ROCK1: variants seen among roughly 807,000 people sequenced by gnomAD.
ROCK1 encodes the protein rho-associated protein kinase 1.
A neutral mutation model predicts 196.8 loss-of-function variants in ROCK1; 36 were observed. The ratio of observed to expected loss-of-function variants is 0.18; its 90% CI spans 0.14 to 0.24. The LOEUF (loss-of-function observed/expected upper bound fraction) is 0.24. Ranked by LOEUF, ROCK1 falls within the 10% of genes least tolerant of loss-of-function variation. The probability of loss-of-function intolerance (pLI) is 1.00; values close to 1 mark genes in which losing one functional copy is unlikely to be tolerated. For missense variants in ROCK1, 920 were observed against 1,562.0 expected (o/e 0.59, Z 6.93); for synonymous variants, 443 against 515.9 (o/e 0.86, Z 1.91).
rs757539866 is a variant in ROCK1 at position 21,028,763 on chromosome 18, T to C, written c.1211+13A>G. 1 of 1,595,158 alleles carries C rather than the reference T, an allele frequency of 6.3e-7. No individual in the cohort carries two copies. The highest frequency in any genetic ancestry group is 8.5e-7 in the Non-Finnish European group (1 of 1,174,188). ...CAGCACTTACTCCTATAATCACTGTTTAGCATACTTACCTACGATTGCTAT... is the reference window on the plus strand; with the variant it reads ...CAGCACTTACTCCTATAATCACTGTCTAGCATACTTACCTACGATTGCTAT... On this transcript the variant is annotated intron_variant, in intron 10 of 32. Transcript: ENST00000399799.
chr18:21,081,181 C>T (rs930013770), intron 1 of ROCK1, among the ~76,000 whole-genome samples: 1 of 151,950 alleles, frequency 6.6e-6, no homozygotes, highest in African/African-American at 2.4e-5. Context: ...TTTCCAATCA[C>T]AATGGAATGA....
chr18:20,974,280 T>G (rs1363298235), intron 22 of ROCK1, among the ~76,000 whole-genome samples: 1 of 152,170 alleles, frequency 6.6e-6, no homozygotes, highest in Non-Finnish European at 1.5e-5. Flanking sequence ...TGAAATAATT[T>G]TCTTAGGAGA....
intron 2 of ROCK1, among the ~76,000 whole-genome samples, chr18:21,063,905 T>G (rs191816559): frequency 3.3e-5 from 5 of 152,246 alleles, no homozygotes; most frequent in African/African-American, 9.6e-5. Flanking sequence ...TTTAGTTTTT[T>G]GGGAACTCCA....
At chr18:21,108,377 A>G (rs910888796) in intron 1 of ROCK1, among the ~76,000 whole-genome samples, 4 of 152,060 alleles carry the variant, frequency 2.6e-5, no homozygotes, top group African/African-American at 2.4e-5. Context: ...CTTTACCATT[A>G]TATCAACTTG....
intron 16 of ROCK1, among the ~76,000 whole-genome samples, chr18:21,001,525 T>C (rs1403690165): frequency 1.3e-5 from 2 of 152,140 alleles, no homozygotes; most frequent in African/African-American, 4.8e-5. Flanking sequence ...CCCAGCACTT[T>C]GGGAGGCTGA....
intron 8 of ROCK1, among the ~76,000 whole-genome samples, chr18:21,040,910 G>A (rs1265190191): frequency 2.6e-5 from 4 of 151,314 alleles, no homozygotes; most frequent in East Asian, 3.9e-4. Context: ...AGATCATGAG[G>A]TCAGGAGTTC....
rs561816480 is a variant in ROCK1, at chr18:21,036,592, T to A, written c.1051+2880A>T. Among the ~76,000 whole-genome samples, 288 of 152,230 alleles carry A rather than the reference T, an allele frequency of 1.9e-3. 1 individual carries two copies. Among genetic ancestry groups the A allele is most frequent in the African/African-American group, 5.4e-3 (224 of 41,536 alleles). ...CCCAAGTAGTTGAAACATAGGTGCA[T>A]GCCATCACACCTGGCTAATTTTTTA... On this transcript the variant is annotated intron_variant, in intron 9 of 32. Transcript: ENST00000399799.
chr18:21,071,028 T>TA (rs941002263), intron 1 of ROCK1, among the ~76,000 whole-genome samples: 4 of 152,168 alleles, frequency 2.6e-5, no homozygotes, highest in Non-Finnish European at 5.9e-5. Flanking sequence ...AGGTTTAATA[T>TA]AAAATAAATA....
At position 21,087,954 on chromosome 18, in the gene ROCK1, T is replaced by C. The variant is rs544921611; in HGVS notation, c.94-17341A>G. On this transcript the variant is annotated intron_variant, in intron 1 of 32. Coordinates refer to ENST00000399799, the MANE Select transcript of ROCK1 (RefSeq NM_005406.3). ...AGCAAATTAAAAAGAATTAAAATCA[T>C]AACAGAATGTGTTCTTTGACCAAAA... 2.2e-4 allele frequency among the ~76,000 whole-genome samples: 33 copies of C among 152,318 alleles called. 1 individual carries two copies. Among genetic ancestry groups the C allele is most frequent in the Admixed American group, 1.9e-3 (29 of 15,300 alleles).
chr18:21,050,725 T>G (rs1292212969), intron 2 of ROCK1, among the ~76,000 whole-genome samples: 5 of 152,192 alleles, frequency 3.3e-5, no homozygotes, highest in African/African-American at 1.2e-4. Context: ...ACTCAAGTGT[T>G]TGTGTACTTT....
At chr18:21,046,257 C>T (rs1319837197) in intron 4 of ROCK1, among the ~76,000 whole-genome samples, 1 of 152,108 alleles carries the variant, frequency 6.6e-6, no homozygotes, top group Non-Finnish European at 1.5e-5. Flanking sequence ...CTTAACCTAC[C>T]CGAGTCTATG....
At chr18:21,018,678 G>C (rs1323137130) in intron 12 of ROCK1, among the ~76,000 whole-genome samples, 1 of 151,840 alleles carries the variant, frequency 6.6e-6, no homozygotes, top group Non-Finnish European at 1.5e-5. Flanking sequence ...ATATTCAAAT[G>C]CCTTTTTAAA....
intron 2 of ROCK1, among the ~76,000 whole-genome samples, chr18:21,058,137 T>A (rs1395480463): frequency 6.6e-6 from 1 of 152,214 alleles, no homozygotes; most frequent in Non-Finnish European, 1.5e-5. Context: ...TACACAGATA[T>A]GGATTTTTTT....
intron 13 of ROCK1, among the ~76,000 whole-genome samples, chr18:21,010,453 A>G (rs1227112287): frequency 1.3e-5 from 2 of 152,236 alleles, no homozygotes; most frequent in Admixed American, 1.3e-4. Context: ...ATGAGACATA[A>G]TTAACATTCC....
At position 21,049,761 on chromosome 18, in the gene ROCK1, T is replaced by C. The variant is rs747331852; in HGVS notation, c.276+19A>G. 2 of 1,365,288 alleles carry C rather than the reference T, an allele frequency of 1.5e-6. No individual in the cohort carries two copies. Among genetic ancestry groups the C allele is most frequent in the Non-Finnish European group, 2.1e-6 (2 of 964,426 alleles). The allele number at this position is 1,365,288 out of a possible 1,614,324, so 84.6% of individuals were successfully genotyped here. On this transcript the variant is annotated intron_variant, in intron 3 of 32. Transcript: ENST00000399799. ...TTAATTTAATAAAGTCCTTTTGTATTCTCATTAAAATAACCTACCAATTGA... is the reference window on the plus strand; with the variant it reads ...TTAATTTAATAAAGTCCTTTTGTATCCTCATTAAAATAACCTACCAATTGA...
chr18:20,963,247 T>G (rs116444772), intron 27 of ROCK1, among the ~76,000 whole-genome samples: 2,279 of 152,190 alleles, frequency 0.015, 58 homozygotes, highest in African/African-American at 0.051. Flanking sequence ...TTTACCCAAA[T>G]AAGAGACAAT....
intron 13 of ROCK1, among the ~76,000 whole-genome samples, chr18:21,012,909 C>A (rs1287543522): frequency 6.6e-6 from 1 of 152,188 alleles, no homozygotes; most frequent in Non-Finnish European, 1.5e-5. Context: ...ATTGTTCACT[C>A]TGCTGCTGAC....
At chr18:20,974,109 T>C (rs1471916455) in intron 22 of ROCK1, among the ~76,000 whole-genome samples, 1 of 152,200 alleles carries the variant, frequency 6.6e-6, no homozygotes, top group Non-Finnish European at 1.5e-5. Context: ...TCTTGAAATA[T>C]CCTCCTCCCC....
At chr18:21,031,536 C>T (rs557229395) in intron 9 of ROCK1, among the ~76,000 whole-genome samples, 61 of 139,162 alleles carry the variant, frequency 4.4e-4, no homozygotes, top group East Asian at 1.8e-3. Context: ...ACCCAGGAGG[C>T]GGAGCTTGCA....
Sources: gnomAD v4.1 joint callset for allele counts (sites outside exome capture counted in the v4.1 genomes callset) on GRCh38, gnomAD v4.1.1 for gene constraint, MANE v1.5 for transcripts, NCBI Gene and HGNC (gene_info 2026-07-23, HGNC 2026-07-21) for gene names.